Variants in EPB41L2 observed in about 807,000 individuals in gnomAD.
The protein encoded by EPB41L2 is erythrocyte membrane protein band 4.1 like 2.
A neutral mutation model predicts 113.0 loss-of-function variants in EPB41L2; 43 were observed. That is an observed-to-expected ratio of 0.38 (90% CI 0.30 to 0.49). EPB41L2 has a LOEUF of 0.49. EPB41L2 is among the 20% of genes least tolerant of loss of function. The pLI is 0.95. For synonymous variants in EPB41L2, 442 were observed against 436.7 expected, an observed-to-expected ratio of 1.01 and a Z score of -0.15; for missense variants, 1,147 against 1,223.4, an observed-to-expected ratio of 0.94 and a Z score of 0.93.
chr6:130,993,633 G>A (rs1782405224), intron 1 of EPB41L2, among the ~76,000 whole-genome samples: 1 of 152,148 alleles, frequency 6.6e-6, no homozygotes, highest in Admixed American at 6.5e-5. Flanking sequence ...GGGGGTATGT[G>A]TCTTCCGGCC....
At chr6:130,915,684 T>G (rs1345937101) in intron 4 of EPB41L2, among the ~76,000 whole-genome samples, 1 of 152,206 alleles carries the variant, frequency 6.6e-6, no homozygotes, top group Admixed American at 6.5e-5. Context: ...GCTCCCATGA[T>G]TCTGACTTGT....
intron 1 of EPB41L2, among the ~76,000 whole-genome samples, chr6:130,982,965 G>C (rs1779715718): frequency 6.6e-6 from 1 of 152,198 alleles, no homozygotes; most frequent in Admixed American, 6.5e-5. Context: ...TAACAACCAT[G>C]TGTAAATCCA....
At chr6:130,948,861 CAATCT>C (rs138528656) in intron 3 of EPB41L2, among the ~76,000 whole-genome samples, 1 of 152,330 alleles carries the variant, frequency 6.6e-6, no homozygotes, top group East Asian at 1.9e-4. Context: ...GTGCATCTAA[CAATCT>C]AGCCTCAAAT....
chr6:130,924,013 C>T (rs536857128), intron 4 of EPB41L2, among the ~76,000 whole-genome samples: 1 of 152,136 alleles, frequency 6.6e-6, no homozygotes, highest in Non-Finnish European at 1.5e-5. Flanking sequence ...AACCACCATT[C>T]TACTCTTTGT....
intron 1 of EPB41L2, among the ~76,000 whole-genome samples, chr6:131,027,251 T>A (rs1035681139): frequency 6.6e-6 from 1 of 152,232 alleles, no homozygotes; most frequent in Non-Finnish European, 1.5e-5. Context: ...GTCTTTTCTT[T>A]CTGCAAGCCA....
At chr6:131,000,321 A>G (rs991247992) in intron 1 of EPB41L2, among the ~76,000 whole-genome samples, 6 of 152,166 alleles carry the variant, frequency 3.9e-5, no homozygotes, top group Non-Finnish European at 7.3e-5. Context: ...CTATCCAGGA[A>G]AGCTCACAAC....
chr6:130,908,875 A>G lies in EPB41L2; in HGVS notation c.811-12T>C, dbSNP rs77370327. ...GGATCTAACCAGTTCTGCATGAGGGAAAAAAATTAATTCATAAGAAATATT... is the reference window on the plus strand; with the variant it reads ...GGATCTAACCAGTTCTGCATGAGGGGAAAAAATTAATTCATAAGAAATATT... On this transcript the variant is annotated splice_polypyrimidine_tract_variant and intron_variant, in intron 4 of 19. Coordinates refer to ENST00000337057, the MANE Select transcript of EPB41L2 (RefSeq NM_001431.4). 1 of 1,583,730 alleles carries G rather than the reference A, an allele frequency of 6.3e-7. No individual in the cohort carries two copies. The highest frequency in any genetic ancestry group is 8.6e-7 in the Non-Finnish European group (1 of 1,158,412).
Position 131,046,213 on chromosome 6 carries a change from C to A in EPB41L2, c.-15+16942G>T, listed in dbSNP as rs563209721. On this transcript the variant is annotated intron_variant, in intron 1 of 19. Transcript: ENST00000337057. ...AGGATTACAGATACGAGCCACTATG[C>A]CCTGGCTCTTTCCTTCTTAAAGAAA... Among the ~76,000 whole-genome samples the A allele has an allele frequency of 2.6e-5, 4 of 152,018 alleles. No homozygotes were observed. The South Asian group carries it at 8.3e-4, about 32-fold the overall frequency.
At chr6:130,844,684 ATTC>A (rs1367413433) in intron 19 of EPB41L2, among the ~76,000 whole-genome samples, 3 of 152,216 alleles carry the variant, frequency 2.0e-5, no homozygotes, top group African/African-American at 2.4e-5. Flanking sequence ...TTTTCATTTT[ATTC>A]TTCTTTTATC....
intron 1 of EPB41L2, among the ~76,000 whole-genome samples, chr6:130,971,910 T>C (rs971616959): frequency 6.6e-6 from 1 of 152,190 alleles, no homozygotes; most frequent in Non-Finnish European, 1.5e-5. Flanking sequence ...TACAAGAATG[T>C]CTATTCATTC....
intron 1 of EPB41L2, among the ~76,000 whole-genome samples, chr6:131,018,509 C>A (rs1345240081): frequency 1.3e-5 from 2 of 152,164 alleles, no homozygotes; most frequent in African/African-American, 4.8e-5. Flanking sequence ...TGAACCTTTT[C>A]TTTTCACTGT....
At chr6:130,973,446 A>C (rs1777415123) in intron 1 of EPB41L2, among the ~76,000 whole-genome samples, 1 of 152,152 alleles carries the variant, frequency 6.6e-6, no homozygotes, top group Non-Finnish European at 1.5e-5. Flanking sequence ...TTTATGTTAA[A>C]TGTGTTTTTT....
At chr6:130,889,909 C>CCA (rs956610457) in intron 11 of EPB41L2, among the ~76,000 whole-genome samples, 2 of 151,950 alleles carry the variant, frequency 1.3e-5, no homozygotes, top group Non-Finnish European at 2.9e-5. Flanking sequence ...CTGAAATATG[C>CCA]AATATATATA....
At chr6:130,939,788 G>A (rs1001526516) in intron 3 of EPB41L2, among the ~76,000 whole-genome samples, 1 of 152,194 alleles carries the variant, frequency 6.6e-6, no homozygotes, top group Non-Finnish European at 1.5e-5. Context: ...TATCCAGAGA[G>A]CCTAATGGTA....
intron 6 of EPB41L2, 62 bp downstream of exon 6, chr6:130,904,403 G>C: frequency 8.3e-7 from 1 of 1,200,406 alleles, no homozygotes. Context: ...TATGCTCCCA[G>C]GGCACAAAAA....
intron 19 of EPB41L2, among the ~76,000 whole-genome samples, chr6:130,840,854 A>T (rs1435948897): frequency 6.6e-6 from 1 of 152,216 alleles, no homozygotes; most frequent in African/African-American, 2.4e-5. Flanking sequence ...CTGCAAAAGA[A>T]TTTATTAGCA....
At chr6:130,919,993 CT>C (rs1802364938) in intron 4 of EPB41L2, among the ~76,000 whole-genome samples, 2 of 152,036 alleles carry the variant, frequency 1.3e-5, no homozygotes, top group Admixed American at 6.6e-5. Flanking sequence ...TTTTTAACAA[CT>C]GCACCACCTT....
At chr6:130,843,094 C>T (rs541346529) in intron 19 of EPB41L2, among the ~76,000 whole-genome samples, 27 of 152,248 alleles carry the variant, frequency 1.8e-4, no homozygotes, top group South Asian at 8.3e-4. Flanking sequence ...ACTTATTGTA[C>T]GAAGACTTTA....
At chr6:130,892,148 G>A (rs149756616) in intron 10 of EPB41L2, among the ~76,000 whole-genome samples, 21 of 152,134 alleles carry the variant, frequency 1.4e-4, no homozygotes, top group East Asian at 1.9e-4. Flanking sequence ...AATGCACCTC[G>A]GAAACTCCTG....
Sources: allele counts gnomAD v4.1 joint callset (sites outside exome capture counted in the v4.1 genomes callset), GRCh38; gene constraint gnomAD v4.1.1; transcripts MANE v1.5; gene names NCBI Gene and HGNC (gene_info 2026-07-23, HGNC 2026-07-21).